The following SH3GL2 variants were observed in gnomAD, a reference collection of about 807,000 sequenced individuals.
SH3GL2 encodes endophilin-A1.
A neutral mutation model predicts 46.0 loss-of-function variants in SH3GL2; 24 were observed. The observed-to-expected ratio is 0.52, with a 90% CI of 0.38 to 0.73. The LOEUF (loss-of-function observed/expected upper bound fraction) is 0.73. Ranked by LOEUF, SH3GL2 falls within the 30% of genes least tolerant of loss-of-function variation. SH3GL2 has a pLI of 0.00. For synonymous variants in SH3GL2, 196 were observed against 147.1 expected (o/e 1.33, Z -2.40); for missense variants, 413 against 424.2 (o/e 0.97, Z 0.23).
At chr9:17,698,016 ATT>A (rs1221912925) in intron 1 of SH3GL2, among the ~76,000 whole-genome samples, 1 of 151,932 alleles carries the variant, frequency 6.6e-6, no homozygotes, top group Non-Finnish European at 1.5e-5. Flanking sequence ...TTCATTCCTA[ATT>A]TTTTCCTGTA....
intron 1 of SH3GL2, among the ~76,000 whole-genome samples, chr9:17,586,418 A>G (rs936751911): frequency 2.0e-5 from 3 of 152,204 alleles, no homozygotes; most frequent in Non-Finnish European, 2.9e-5. Context: ...TTATAATTCA[A>G]ACTAACCTTT....
intron 1 of SH3GL2, among the ~76,000 whole-genome samples, chr9:17,692,934 A>G (rs1821118626): frequency 6.6e-6 from 1 of 152,080 alleles, no homozygotes; most frequent in African/African-American, 2.4e-5. Flanking sequence ...ATCAGATCTC[A>G]TGAGACTTAT....
At chr9:17,606,991 T>G (rs1467744332) in intron 1 of SH3GL2, among the ~76,000 whole-genome samples, 1 of 152,208 alleles carries the variant, frequency 6.6e-6, no homozygotes, top group Non-Finnish European at 1.5e-5. Context: ...GGAGCATGTT[T>G]ACTAGCTGAA....
intron 1 of SH3GL2, among the ~76,000 whole-genome samples, chr9:17,746,832 C>A (rs527314236): frequency 1.3e-5 from 2 of 152,270 alleles, no homozygotes; most frequent in East Asian, 1.9e-4. Context: ...AGGTTGAAAT[C>A]AGAAGATACA....
At chr9:17,589,089 C>G (rs147486593) in intron 1 of SH3GL2, 56 of 152,242 alleles carry the variant, frequency 3.7e-4, no homozygotes, top group African/African-American at 1.2e-3. Context: ...GTGCATATGT[C>G]CATATGTACA....
intron 1 of SH3GL2, among the ~76,000 whole-genome samples, chr9:17,720,452 G>A (rs1035305642): frequency 2.0e-5 from 3 of 152,084 alleles, no homozygotes; most frequent in African/African-American, 7.2e-5. Context: ...GGAAAGTGAA[G>A]TACAGAAAAC....
At chr9:17,755,741 C>G in intron 2 of SH3GL2, 1 of 980,546 alleles carries the variant, frequency 1.0e-6, no homozygotes, top group Non-Finnish European at 1.2e-6. Flanking sequence ...TCATATCTTT[C>G]AGTCCTTTTG....
intron 1 of SH3GL2, among the ~76,000 whole-genome samples, chr9:17,732,868 T>C (rs1464064285): frequency 6.6e-6 from 1 of 152,164 alleles, no homozygotes; most frequent in Non-Finnish European, 1.5e-5. Flanking sequence ...TGCATATTGA[T>C]TATAGCCAAC....
chr9:17,641,272 T>A (rs755217007), intron 1 of SH3GL2, among the ~76,000 whole-genome samples: 32 of 152,294 alleles, frequency 2.1e-4, no homozygotes, highest in Non-Finnish European at 2.9e-4. Context: ...CTCCTCACTA[T>A]TCCTGGAGTG....
At chr9:17,600,109 G>T (rs1818641920) in intron 1 of SH3GL2, among the ~76,000 whole-genome samples, 1 of 151,936 alleles carries the variant, frequency 6.6e-6, no homozygotes, top group African/African-American at 2.4e-5. Flanking sequence ...AAATATTCAG[G>T]GTACTGAACA....
intron 2 of SH3GL2, among the ~76,000 whole-genome samples, chr9:17,755,994 A>G (rs781514145): frequency 4.6e-5 from 7 of 152,152 alleles, no homozygotes; most frequent in Non-Finnish European, 1.0e-4. Context: ...AGCACCTAGC[A>G]CAGGAATCAA....
chr9:17,671,665 G>A (rs1257988034), intron 1 of SH3GL2, among the ~76,000 whole-genome samples: 2 of 151,872 alleles, frequency 1.3e-5, no homozygotes, highest in Non-Finnish European at 2.9e-5. Flanking sequence ...AAACAAAAAC[G>A]AAAAAAGCCC....
chr9:17,770,904 C>A (rs937371226), intron 3 of SH3GL2, among the ~76,000 whole-genome samples: 11 of 152,194 alleles, frequency 7.2e-5, no homozygotes, highest in African/African-American at 2.7e-4. Context: ...GACTTCTCCC[C>A]TCTCTGGCCT....
At chr9:17,602,989 A>G (rs1818697501) in intron 1 of SH3GL2, among the ~76,000 whole-genome samples, 1 of 152,178 alleles carries the variant, frequency 6.6e-6, no homozygotes, top group Admixed American at 6.5e-5. Context: ...TGTAGCAAAG[A>G]GCCACATTTA....
In SH3GL2 at chr9:17,587,659, C is replaced by T. The variant is rs139891055; in HGVS notation, c.45+8372C>T. On this transcript the variant is annotated intron_variant, in intron 1 of 8. Transcript: ENST00000380607. ...TTGGGAGGCCGAGGTGGGCGGGTCA[C>T]CTGAGGCCAGGGGTTCAAGACCAGC... Among the ~76,000 whole-genome samples, 448 of 152,276 alleles carry T rather than the reference C, an allele frequency of 2.9e-3. 2 individuals carry two copies. The highest frequency in any genetic ancestry group is 0.01 in the Middle Eastern group (3 of 294).
intron 1 of SH3GL2, among the ~76,000 whole-genome samples, chr9:17,625,140 A>G (rs1413851305): frequency 6.6e-6 from 1 of 151,972 alleles, no homozygotes; most frequent in Non-Finnish European, 1.5e-5. Context: ...TCATGCTTGC[A>G]TTTTTAGTTG....
chr9:17,690,141 G>T (rs975707511), intron 1 of SH3GL2, among the ~76,000 whole-genome samples: 2 of 152,110 alleles, frequency 1.3e-5, no homozygotes, highest in Non-Finnish European at 2.9e-5. Flanking sequence ...TGCCAAAACT[G>T]CAGCAGTTGT....
chr9:17,619,991 G>A, intron 1 of SH3GL2, among the ~76,000 whole-genome samples: 1 of 152,076 alleles, frequency 6.6e-6, no homozygotes, highest in South Asian at 2.1e-4. Flanking sequence ...AGTTTTCTGA[G>A]AAAATCAGAC....
At chr9:17,761,822 G>C (rs111792983) in intron 3 of SH3GL2, among the ~76,000 whole-genome samples, 13 of 152,214 alleles carry the variant, frequency 8.5e-5, no homozygotes, top group African/African-American at 2.9e-4. Flanking sequence ...GAACTTTCAA[G>C]AGATGGTAAG....
Sources: gnomAD v4.1 joint callset for allele counts (sites outside exome capture counted in the v4.1 genomes callset) on GRCh38, gnomAD v4.1.1 for gene constraint, MANE v1.5 for transcripts, NCBI Gene and HGNC (gene_info 2026-07-23, HGNC 2026-07-21) for gene names.